Variants in THSD7A observed in about 807,000 individuals in gnomAD.
THSD7A encodes thrombospondin type-1 domain-containing protein 7A.
Under a neutral mutation model 231.3 loss-of-function variants are expected in THSD7A, and 96 were observed. The observed-to-expected ratio is 0.41, with a 90% CI of 0.35 to 0.49. THSD7A has a LOEUF of 0.49. THSD7A is among the 20% of genes least tolerant of loss of function. The pLI, the probability that THSD7A is intolerant of heterozygous loss-of-function variation, is 0.05. For synonymous variants in THSD7A, 940 were observed against 743.3 expected (o/e 1.26, Z -4.30); for missense variants, 2,290 against 2,070.2 (o/e 1.11, Z -2.06).
At chr7:11,644,200 A>C (rs1042735424) in intron 1 of THSD7A, among the ~76,000 whole-genome samples, 1 of 151,952 alleles carries the variant, frequency 6.6e-6, no homozygotes, top group Admixed American at 6.6e-5. Context: ...TCGTTTGGTC[A>C]TTTCAAAGGA....
rs1022096129 is a variant in THSD7A at position 11,732,821 on chromosome 7, A to G, written c.191-95860T>C. On this transcript the variant is annotated intron_variant, in intron 1 of 27. Coordinates refer to ENST00000423059, the MANE Select transcript of THSD7A (RefSeq NM_015204.3). ...ATTTCTTTAGATGATTCATTTTCAA[A>G]GTTTGTAACCTGTATTCCTCATACA... Among the ~76,000 whole-genome samples, 110 of 151,856 alleles carry G rather than the reference A, an allele frequency of 7.2e-4. 1 individual carries two copies. The highest frequency in any genetic ancestry group is 7.4e-5 in the Non-Finnish European group (5 of 67,850).
intron 2 of THSD7A, among the ~76,000 whole-genome samples, chr7:11,609,172 C>T (rs1236448356): frequency 2.0e-5 from 3 of 152,130 alleles, no homozygotes; most frequent in Non-Finnish European, 2.9e-5. Flanking sequence ...GAGTCAACTT[C>T]ACCCAGTGGG....
chr7:11,795,621 A>G (rs1030643427), intron 1 of THSD7A, among the ~76,000 whole-genome samples: 1 of 152,062 alleles, frequency 6.6e-6, no homozygotes, highest in Admixed American at 6.6e-5. Context: ...TAATTCAAAC[A>G]TATATTCTAT....
At chr7:11,753,804 G>C (rs1782586479) in intron 1 of THSD7A, among the ~76,000 whole-genome samples, 2 of 151,930 alleles carry the variant, frequency 1.3e-5, no homozygotes, top group South Asian at 4.2e-4. Context: ...GAGAGAGAGA[G>C]AGACAGAGAG....
intron 13 of THSD7A, among the ~76,000 whole-genome samples, chr7:11,441,031 T>C (rs1784787524): frequency 1.3e-5 from 2 of 152,118 alleles, no homozygotes; most frequent in East Asian, 1.9e-4. Context: ...CCCCAAAGTA[T>C]AGAAACCACT....
chr7:11,552,290 G>A (rs1056969624), intron 4 of THSD7A, among the ~76,000 whole-genome samples: 1 of 151,622 alleles, frequency 6.6e-6, no homozygotes, highest in East Asian at 1.9e-4. Context: ...TAACAAACCT[G>A]TACATATATC....
At chr7:11,388,875 T>G (rs1206792647) in intron 23 of THSD7A, among the ~76,000 whole-genome samples, 7 of 152,162 alleles carry the variant, frequency 4.6e-5, no homozygotes, top group Non-Finnish European at 1.0e-4. Context: ...CAGTAAGTCA[T>G]TCAGGAGCAG....
At chr7:11,439,534 A>G (rs988678972) in intron 13 of THSD7A, among the ~76,000 whole-genome samples, 4 of 152,070 alleles carry the variant, frequency 2.6e-5, no homozygotes, top group African/African-American at 9.7e-5. Flanking sequence ...GAATGCAAAG[A>G]AAAACTTCTT....
chr7:11,429,216 G>C, intron 13 of THSD7A, 91 bp from the exon 14 acceptor site: 1 of 1,259,768 alleles, frequency 7.9e-7, no homozygotes, highest in Non-Finnish European at 1.1e-6. Context: ...GAAGGTCCAA[G>C]ACTGACTTGA....
intron 1 of THSD7A, among the ~76,000 whole-genome samples, chr7:11,769,122 AATATATATATATAT>A (rs1219135740): frequency 5.6e-5 from 2 of 35,886 alleles, no homozygotes; most frequent in African/African-American, 1.0e-4. Context: ...AATTCCTGGC[AATATATATATATAT>A]ATATATATAT....
intron 1 of THSD7A, among the ~76,000 whole-genome samples, chr7:11,801,390 A>C (rs1405533615): frequency 6.6e-6 from 1 of 152,068 alleles, no homozygotes; most frequent in Non-Finnish European, 1.5e-5. Context: ...TACATACATT[A>C]CTTAATCTAA....
intron 24 of THSD7A, 105 bp from the exon 25 acceptor site, chr7:11,379,817 C>A (rs546256549): frequency 2.4e-6 from 3 of 1,272,184 alleles, no homozygotes; most frequent in African/African-American, 3.0e-5. Context: ...CTTGGGAATC[C>A]CAGGAATTTT....
intron 1 of THSD7A, among the ~76,000 whole-genome samples, chr7:11,672,471 G>A (rs191544603): frequency 1.3e-5 from 2 of 151,992 alleles, no homozygotes; most frequent in East Asian, 3.9e-4. Flanking sequence ...ATATAAAGAT[G>A]TTAATCTTAT....
At chr7:11,629,816 T>G (rs1781590774) in intron 2 of THSD7A, among the ~76,000 whole-genome samples, 1 of 152,226 alleles carries the variant, frequency 6.6e-6, no homozygotes, top group African/African-American at 2.4e-5. Context: ...TATAGGATTT[T>G]ATGTCTGCAA....
intron 1 of THSD7A, among the ~76,000 whole-genome samples, chr7:11,709,618 G>A (rs1269982935): frequency 1.3e-5 from 2 of 150,902 alleles, no homozygotes; most frequent in East Asian, 3.9e-4. Context: ...AATACAGTAA[G>A]GCCTTAACAG....
At chr7:11,482,123 C>T (rs1020800066) in intron 6 of THSD7A, 141 bp from the exon 7 acceptor site, 1 of 815,444 alleles carries the variant, frequency 1.2e-6, no homozygotes, top group Non-Finnish European at 1.9e-6. Context: ...GAGGGATTGC[C>T]TACTATAGCC....
chr7:11,552,882 A>G (rs1186293087), intron 4 of THSD7A, among the ~76,000 whole-genome samples: 1 of 152,088 alleles, frequency 6.6e-6, no homozygotes, highest in East Asian at 1.9e-4. Context: ...TGTGAGTCCT[A>G]TGTAAATCAG....
chr7:11,542,847 T>C (rs1250965995), intron 5 of THSD7A, 115 bp downstream of exon 5: 19 of 1,182,194 alleles, frequency 1.6e-5, no homozygotes, highest in Non-Finnish European at 2.2e-5. Context: ...ATTAATAGTC[T>C]TTAGCCATTC....
At chr7:11,431,496 T>C (rs1291186607) in intron 13 of THSD7A, among the ~76,000 whole-genome samples, 2 of 152,160 alleles carry the variant, frequency 1.3e-5, no homozygotes, top group Non-Finnish European at 2.9e-5. Flanking sequence ...TGAAAATCAG[T>C]TGACCACAGT....
Sources: gnomAD v4.1 joint callset for allele counts (sites outside exome capture counted in the v4.1 genomes callset) on GRCh38, gnomAD v4.1.1 for gene constraint, MANE v1.5 for transcripts, NCBI Gene and HGNC (gene_info 2026-07-23, HGNC 2026-07-21) for gene names.